CADM2: variants seen among roughly 807,000 people sequenced by gnomAD.
CADM2 encodes the protein immunoglobulin superfamily member 4D.
In CADM2, 12 loss-of-function variants were observed where a neutral mutation model predicts 49.8. That is an observed-to-expected ratio of 0.24 (90% confidence interval 0.15 to 0.39). The LOEUF is 0.39. Ranked by LOEUF, CADM2 falls within the 10% of genes least tolerant of loss-of-function variation. CADM2 has a pLI of 1.00. For missense variants in CADM2, 378 were observed against 492.3 expected (o/e 0.77, Z 2.20); for synonymous variants, 214 against 175.4 (o/e 1.22, Z -1.74).
At chr3:85,079,944 C>T (rs538794214) in intron 1 of CADM2, among the ~76,000 whole-genome samples, 1 of 151,910 alleles carries the variant, frequency 6.6e-6, no homozygotes, top group South Asian at 2.1e-4. Context: ...TATCACATTT[C>T]CACTCTTTGA....
At chr3:85,231,356 A>G (rs1207133303) in intron 1 of CADM2, among the ~76,000 whole-genome samples, 1 of 152,112 alleles carries the variant, frequency 6.6e-6, no homozygotes, top group Non-Finnish European at 1.5e-5. Flanking sequence ...ACATTTTCAT[A>G]GCTACTAGTT....
At chr3:85,999,266 A>T (rs371271736) in intron 8 of CADM2, among the ~76,000 whole-genome samples, 2 of 104,396 alleles carry the variant, frequency 1.9e-5, no homozygotes, top group Non-Finnish European at 4.0e-5. Flanking sequence ...TGGGAGGCCG[A>T]GGGTTGGGGG....
chr3:85,311,810 T>C lies in CADM2; in HGVS notation c.61+352142T>C, dbSNP rs550565016. Among the ~76,000 whole-genome samples, 5 of 152,340 alleles carry C rather than the reference T, an allele frequency of 3.3e-5. No homozygotes were observed. The East Asian group carries it at 7.7e-4, about 23-fold the overall frequency. On this transcript the variant is annotated intron_variant, in intron 1 of 9. Transcript: ENST00000383699. ...AAGATGGCAGATGCATAATAGTCTATAGATTTGACCAAGTTTCAGAGTCTA... is the reference window on the plus strand; with the variant it reads ...AAGATGGCAGATGCATAATAGTCTACAGATTTGACCAAGTTTCAGAGTCTA...
intron 1 of CADM2, among the ~76,000 whole-genome samples, chr3:85,480,689 T>C (rs552511054): frequency 7.2e-5 from 11 of 151,972 alleles, no homozygotes; most frequent in Non-Finnish European, 1.5e-4. Flanking sequence ...TTGTGCAGAA[T>C]CTCATGACCA....
chr3:85,502,665 A>T (rs1297702711), intron 1 of CADM2, among the ~76,000 whole-genome samples: 1 of 152,094 alleles, frequency 6.6e-6, no homozygotes, highest in Non-Finnish European at 1.5e-5. Flanking sequence ...TAAAACTCTG[A>T]CAGATTATGA....
At chr3:85,772,518 T>C (rs2107958726) in intron 2 of CADM2, among the ~76,000 whole-genome samples, 1 of 152,214 alleles carries the variant, frequency 6.6e-6, no homozygotes, top group South Asian at 2.1e-4. Context: ...ATGTATATAT[T>C]TCTAACTCAA....
At chr3:85,469,927 G>A (rs1434081822) in intron 1 of CADM2, among the ~76,000 whole-genome samples, 1 of 152,134 alleles carries the variant, frequency 6.6e-6, no homozygotes, top group Non-Finnish European at 1.5e-5. Flanking sequence ...TTGGGTCCTG[G>A]GAGTGATGGA....
intron 1 of CADM2, among the ~76,000 whole-genome samples, chr3:85,027,945 C>A (rs945291407): frequency 6.6e-6 from 1 of 152,020 alleles, no homozygotes; most frequent in Non-Finnish European, 1.5e-5. Flanking sequence ...AAAACAGATA[C>A]CATTTATATG....
chr3:85,450,032 A>C (rs573971456), intron 1 of CADM2, among the ~76,000 whole-genome samples: 226 of 152,326 alleles, frequency 1.5e-3, no homozygotes, highest in African/African-American at 5.2e-3. Context: ...ACAGGTAAAC[A>C]GAACAAGACT....
intron 3 of CADM2, among the ~76,000 whole-genome samples, chr3:85,859,025 C>G (rs943342916): frequency 1.3e-5 from 2 of 152,060 alleles, no homozygotes; most frequent in African/African-American, 4.8e-5. Context: ...CAGCCACAAA[C>G]CTTTTCATTT....
At chr3:85,014,588 C>A (rs553551919) in intron 1 of CADM2, among the ~76,000 whole-genome samples, 1 of 152,194 alleles carries the variant, frequency 6.6e-6, no homozygotes, top group South Asian at 2.1e-4. Context: ...CCAAACATAG[C>A]AATTTAGAGA....
At chr3:85,071,802 T>C (rs1392231596) in intron 1 of CADM2, among the ~76,000 whole-genome samples, 2 of 152,054 alleles carry the variant, frequency 1.3e-5, no homozygotes, top group Non-Finnish European at 1.5e-5. Flanking sequence ...TCGTTAGCTA[T>C]TGTGCATGAT....
chr3:85,078,857 C>T (rs1172535145), intron 1 of CADM2, among the ~76,000 whole-genome samples: 1 of 151,742 alleles, frequency 6.6e-6, no homozygotes, highest in Non-Finnish European at 1.5e-5. Context: ...TGCCGTAGCA[C>T]TTTATAATAA....
At chr3:85,780,880 C>T (rs555425249) in intron 2 of CADM2, among the ~76,000 whole-genome samples, 3 of 152,130 alleles carry the variant, frequency 2.0e-5, no homozygotes, top group South Asian at 2.1e-4. Flanking sequence ...TGACTTGTTT[C>T]GGCCAATGAG....
intron 3 of CADM2, among the ~76,000 whole-genome samples, chr3:85,824,363 C>T (rs559124349): frequency 3.3e-5 from 5 of 152,054 alleles, no homozygotes; most frequent in African/African-American, 1.2e-4. Context: ...AAATGGAAAA[C>T]TTAGTGTAAA....
chr3:85,212,864 T>TCTCTCTCTCTC (rs1220821527), intron 1 of CADM2, among the ~76,000 whole-genome samples: 6 of 107,252 alleles, frequency 5.6e-5, no homozygotes, highest in Admixed American at 9.9e-5. Flanking sequence ...CTTTCTTTCT[T>TCTCTCTCTCTC]TCTTTCTTTC....
At chr3:85,617,575 T>C (rs1559945760) in intron 1 of CADM2, among the ~76,000 whole-genome samples, 2 of 152,156 alleles carry the variant, frequency 1.3e-5, no homozygotes, top group Admixed American at 1.3e-4. Flanking sequence ...GTAGACATGA[T>C]TGATTAAATC....
intron 1 of CADM2, among the ~76,000 whole-genome samples, chr3:85,678,611 C>G (rs1285310695): frequency 1.3e-5 from 2 of 152,144 alleles, no homozygotes; most frequent in African/African-American, 4.8e-5. Flanking sequence ...GTTATATAGC[C>G]TGATCAAAAA....
chr3:85,100,888 A>T (rs562459607), intron 1 of CADM2, among the ~76,000 whole-genome samples: 28 of 152,356 alleles, frequency 1.8e-4, no homozygotes, highest in African/African-American at 5.8e-4. Context: ...TAAGCTTATG[A>T]TAGTCTTTTG....
Sources: gnomAD v4.1 joint callset for allele counts (sites outside exome capture counted in the v4.1 genomes callset) on GRCh38, gnomAD v4.1.1 for gene constraint, MANE v1.5 for transcripts, NCBI Gene and HGNC (gene_info 2026-07-23, HGNC 2026-07-21) for gene names.